AFAP1L1: variants seen among roughly 807,000 people sequenced by gnomAD.
The protein encoded by AFAP1L1 is actin filament-associated protein 1-like 1.
In AFAP1L1, 77 loss-of-function variants were observed where a neutral mutation model predicts 99.8. That is an observed-to-expected ratio of 0.77 (90% CI 0.64 to 0.93). AFAP1L1 has a LOEUF of 0.93. AFAP1L1 is among the 40% of genes least tolerant of loss of function. AFAP1L1 has a pLI of 0.00. For missense variants in AFAP1L1, 893 were observed against 996.8 expected (o/e 0.90, Z 1.40); for synonymous variants, 373 against 395.3 (o/e 0.94, Z 0.67).
At position 149,307,531 on chromosome 5, in the gene AFAP1L1, G is replaced by A; in HGVS notation, c.665G>A (p.Arg222Lys). Residue 222 changes from arginine (R) to lysine (K), a missense_variant, in exon 7 of 19, where the codon AGG (arginine) becomes AAG (lysine). By Grantham distance (26) the Arg-to-Lys change is conservative (BLOSUM62 2). Transcript: ENST00000296721. ...TCCATGCACCTGGTGAGGGAATGCA[G>A]GATATGTGCCTTCCTGCTGCGGAAA... ...EASMHLVREC[R>K]ICAFLLRKKR... 3 of 1,614,150 alleles carry A rather than the reference G, an allele frequency of 1.9e-6. No individual in the cohort carries two copies. Among genetic ancestry groups the A allele is most frequent in the Non-Finnish European group, 1.7e-6 (2 of 1,180,032 alleles).
Position 149,320,270 on chromosome 5 carries a change from C to T in AFAP1L1, c.1626-121C>T, listed in dbSNP as rs750222047. 3.2e-6 allele frequency: 3 copies of T among 951,088 alleles called. No individual in the cohort carries two copies. The highest frequency in any genetic ancestry group is 4.9e-6 in the Non-Finnish European group (3 of 614,884). The allele number at this position is 951,088 out of a possible 1,614,324, so 58.9% of individuals were successfully genotyped here. ...AATGCTGCCTGCCATCTTGCTTTTACCAATCTTCTGATCTGCCTTAAGAGT... is the reference window on the plus strand; with the variant it reads ...AATGCTGCCTGCCATCTTGCTTTTATCAATCTTCTGATCTGCCTTAAGAGT... On this transcript the variant is annotated intron_variant, in intron 13 of 18. Coordinates refer to ENST00000296721, the MANE Select transcript of AFAP1L1 (RefSeq NM_152406.4). This position sits in a 1 kb window ranked among gnomAD's most constrained non-coding sequence, Gnocchi z 4.0.
chr5:149,279,337 G>A (rs897231538), intron 1 of AFAP1L1, among the ~76,000 whole-genome samples: 8 of 152,228 alleles, frequency 5.3e-5, no homozygotes, highest in Admixed American at 1.3e-4. Flanking sequence ...CAAAGTTTGA[G>A]TGACCACAGA....
chr5:149,273,791 C>T lies in AFAP1L1; in HGVS notation c.16+1807C>T, dbSNP rs985492162. Among the ~76,000 whole-genome samples the T allele has an allele frequency of 1.5e-4, 22 of 151,630 alleles. 1 individual carries two copies. The highest frequency in any genetic ancestry group is 5.3e-4 in the African/African-American group (22 of 41,190). ...CCCCTTCACACTCCTAGTCGCCCGC[C>T]ACCTCCCCAACCTCTCCACCACCCC... is the stretch of plus-strand genomic sequence containing the variant. On this transcript the variant is annotated intron_variant, in intron 1 of 18. Transcript: ENST00000296721.
intron 15 of AFAP1L1, among the ~76,000 whole-genome samples, chr5:149,327,595 T>C (rs927659950): frequency 2.0e-5 from 3 of 151,934 alleles, no homozygotes; most frequent in African/African-American, 7.3e-5. Context: ...ATAGAAATTA[T>C]AAAAAGAAGA....
chr5:149,317,028 G>T (rs1446111044), intron 11 of AFAP1L1, among the ~76,000 whole-genome samples: 1 of 151,962 alleles, frequency 6.6e-6, no homozygotes, highest in Non-Finnish European at 1.5e-5. Flanking sequence ...AGCCAGGCAT[G>T]GTGGTGTATG....
intron 1 of AFAP1L1, among the ~76,000 whole-genome samples, chr5:149,280,745 C>T (rs1041270088): frequency 2.0e-5 from 3 of 152,164 alleles, no homozygotes; most frequent in African/African-American, 7.2e-5. Context: ...CCCCTTCTAT[C>T]ACCCTCTCAA....
intron 1 of AFAP1L1, among the ~76,000 whole-genome samples, chr5:149,287,316 A>G (rs1755714041): frequency 6.6e-6 from 1 of 152,206 alleles, no homozygotes; most frequent in Non-Finnish European, 1.5e-5. Flanking sequence ...GGGGAAAGCA[A>G]GGACATGGTG....
intron 1 of AFAP1L1, among the ~76,000 whole-genome samples, chr5:149,294,062 TA>T (rs1755946325): frequency 1.3e-5 from 2 of 152,228 alleles, no homozygotes; most frequent in Non-Finnish European, 1.5e-5. Context: ...TAACTAATGA[TA>T]TTTTTTTAAG....
rs1756894517 is a variant in AFAP1L1 at position 149,319,601 on chromosome 5, T to G, written c.1499T>G (p.Met500Arg). ...CTTCAGGCAAGCTGTTCAGAGGACATGGGTCGCTGGCTCGGGCTGCTGCTG... is the reference window on the plus strand; with the variant it reads ...CTTCAGGCAAGCTGTTCAGAGGACAGGGGTCGCTGGCTCGGGCTGCTGCTG... ...AILEASCSED[M>R]GRWLGLLLVE... Residue 500 changes from methionine (M) to arginine (R), a missense_variant, in exon 13 of 19, where the codon ATG becomes AGG. Physicochemically the swap from Met to Arg is moderately conservative, Grantham distance 91. Transcript: ENST00000296721. 4 of 1,612,592 alleles carry G rather than the reference T, an allele frequency of 2.5e-6. No homozygotes were observed. The East Asian group carries it at 6.7e-5, about 27-fold the overall frequency.
rs1479290144 is a variant in AFAP1L1, at chr5:149,341,704, C to T, written c.*1674C>T. 3.3e-5 allele frequency: 5 copies of T among 151,942 alleles called. No homozygotes were observed. The highest frequency in any genetic ancestry group is 1.2e-4 in the African/African-American group (5 of 41,332). The allele number at this position is 151,942 out of a possible 1,614,324, so 9.4% of individuals were successfully genotyped here. A position where few individuals can be genotyped will look rare whatever the true frequency, so the allele number is the denominator to read the frequency against. ...CCCAGGAGTTTGAGACTGTAGTGCA[C>T]TATGATCACGCCTGTGAATTGCCAC... On this transcript the variant is annotated 3_prime_UTR_variant, in exon 19 of 19. Coordinates refer to ENST00000296721, the MANE Select transcript of AFAP1L1 (RefSeq NM_152406.4).
rs544625210 is a variant in AFAP1L1, at chr5:149,298,073, G to C, written c.17-1436G>C. Among the ~76,000 whole-genome samples, 108 of 152,316 alleles carry C rather than the reference G, an allele frequency of 7.1e-4. 2 individuals carry two copies. The South Asian group carries it at 0.022, about 31-fold the overall frequency. On this transcript the variant is annotated intron_variant, in intron 1 of 18. Coordinates refer to ENST00000296721, the MANE Select transcript of AFAP1L1 (RefSeq NM_152406.4). ...CTAGTGAATGATAGGGCCTGAATTT[G>C]AACCCAGGTGATCTGGCTCCAGGGC... is the stretch of plus-strand genomic sequence containing the variant.
At position 149,291,524 on chromosome 5, in the gene AFAP1L1, CAAAAAAAAAAAA is replaced by C. The variant is rs1229134807; in HGVS notation, c.17-7970_17-7959del. Among the ~76,000 whole-genome samples the C allele has an allele frequency of 2.1e-3, 28 of 13,394 alleles. 1 individual carries two copies. Among genetic ancestry groups the C allele is most frequent in the African/African-American group, 5.7e-3 (25 of 4,398 alleles). The allele number at this position is 13,394 out of a possible 152,430, so 8.8% of individuals were successfully genotyped here. On this transcript the variant is annotated intron_variant, in intron 1 of 18. Transcript: ENST00000296721. ...CGGACAACAGAGCGTGACTCCGTCT[CAAAAAAAAAAAA>C]AAAAAAAAAAAAAAGAAAGAAAGAA...
At chr5:149,315,689 T>C in intron 9 of AFAP1L1, 132 bp from the exon 10 acceptor site, 1 of 734,512 alleles carries the variant, frequency 1.4e-6, no homozygotes, top group Non-Finnish European at 2.4e-6. Context: ...AGGCACAGGA[T>C]AGTTGCTGAC....
chr5:149,329,725 GTAGAAAAA>G lies in AFAP1L1; in HGVS notation c.1871_1878del (p.Val624GlyfsTer59). The G allele has an allele frequency of 6.2e-7, 1 of 1,614,064 alleles. No homozygotes were observed. The highest frequency in any genetic ancestry group is 8.5e-7 in the Non-Finnish European group (1 of 1,179,994). On this transcript the variant is annotated frameshift_variant, in exon 16 of 19. Coordinates refer to ENST00000296721, the MANE Select transcript of AFAP1L1 (RefSeq NM_152406.4). LOFTEE classifies it high-confidence loss of function. ...CGAGGAGGATGCCCGGAGGTACTTG[GTAGAAAAA>G]GAGAAGCTGGAGAAAGAGAAAGAGA... is the stretch of plus-strand genomic sequence containing the variant.
At chr5:149,306,242 C>A (rs558666565) in intron 5 of AFAP1L1, 64 bp from the exon 6 acceptor site, 29 of 1,418,492 alleles carry the variant, frequency 2.0e-5, no homozygotes, top group Middle Eastern at 1.8e-4. Flanking sequence ...GGGTCTCCCC[C>A]AGTCCTGGCC....
rs1756790537 is a variant in AFAP1L1 at position 149,316,205 on chromosome 5, C to T, written c.1169C>T (p.Ala390Val). ...AELKGSMSRA[A>V]GRKITRIIGF... ...CTGAAGGGCTCAATGAGCAGGGCTGCGGGCCGCAAGATCACCCGTATCATT... is the reference window on the plus strand; with the variant it reads ...CTGAAGGGCTCAATGAGCAGGGCTGTGGGCCGCAAGATCACCCGTATCATT... The change falls in exon 11 of 19, where the codon GCG (alanine) becomes GTG (valine). Residue 390 changes from alanine to valine, a missense_variant. Transcript: ENST00000296721. 5 of 1,613,970 alleles carry T rather than the reference C, an allele frequency of 3.1e-6. No individual in the cohort carries two copies. Among genetic ancestry groups the T allele is most frequent in the Non-Finnish European group, 3.4e-6 (4 of 1,180,010 alleles).
Position 149,299,595 on chromosome 5 carries a change from A to G in AFAP1L1, c.103A>G (p.Met35Val), listed in dbSNP as rs1756124199. The G allele has an allele frequency of 6.2e-7, 1 of 1,613,988 alleles. No individual in the cohort carries two copies. Among genetic ancestry groups the G allele is most frequent in the Non-Finnish European group, 8.5e-7 (1 of 1,179,992 alleles). ...YLSDTTLEKK[M>V]AVASILQSLQ... ...CAGCGATACCACCCTGGAAAAGAAG[A>G]TGGCCGTGGCCTCCATCCTGCAGAG... Residue 35 changes from methionine (M) to valine (V), a missense_variant, in exon 2 of 19, where the codon ATG (methionine) becomes GTG (valine). By Grantham distance (21) the Met-to-Val change is conservative. Transcript: ENST00000296721.
At position 149,310,142 on chromosome 5, in the gene AFAP1L1, G is replaced by A. The variant is rs1347744844; in HGVS notation, c.927+7G>A. On this transcript the variant is annotated splice_region_variant and intron_variant, in intron 8 of 18. Transcript: ENST00000296721. ...GGCCGAGGAGTGGCTGAAGGTGCGT[G>A]GCCTGCACCTGACCTTCCCGCCTTC... The A allele has an allele frequency of 6.3e-7, 1 of 1,582,406 alleles. No individual in the cohort carries two copies. The highest frequency in any genetic ancestry group is 8.6e-7 in the Non-Finnish European group (1 of 1,162,882).
chr5:149,306,416 G>A lies in AFAP1L1; in HGVS notation c.535+12G>A. The stretch of plus-strand genomic sequence containing the variant: ...GCTTAAGAGCTCCTGTAAGTACCAG[G>A]TGGGCGTCCAGATGCTGGGCAGGGC... On this transcript the variant is annotated intron_variant, in intron 6 of 18. Coordinates refer to ENST00000296721, the MANE Select transcript of AFAP1L1 (RefSeq NM_152406.4). 1.2e-5 allele frequency: 20 copies of A among 1,603,198 alleles called. No individual in the cohort carries two copies. The highest frequency in any genetic ancestry group is 1.7e-5 in the Non-Finnish European group (20 of 1,173,912).
Sources: gnomAD v4.1 joint callset for allele counts (sites outside exome capture counted in the v4.1 genomes callset) on GRCh38, gnomAD v4.1.1 for gene constraint, Gnocchi (gnomAD v3.1) non-coding constraint, MANE v1.5 for transcripts, NCBI Gene and HGNC (gene_info 2026-07-23, HGNC 2026-07-21) for gene names.